PLD1: variants seen among roughly 807,000 people sequenced by gnomAD.
The protein encoded by PLD1 is phospholipase D1.
In PLD1, 112 loss-of-function variants were observed where a neutral mutation model predicts 137.1. The observed-to-expected ratio is 0.82, with a 90% CI of 0.70 to 0.96. The LOEUF is 0.96. Among genes scored for constraint, PLD1 ranks in the 40% least tolerant of loss-of-function variants. The pLI, the probability that PLD1 is intolerant of heterozygous loss-of-function variation, is 0.00. For synonymous variants in PLD1, 431 were observed against 454.7 expected (o/e 0.95, Z 0.66); for missense variants, 1,321 against 1,342.0 (o/e 0.98, Z 0.24).
chr3:171,726,876 A>G (rs993051622), intron 6 of PLD1, among the ~76,000 whole-genome samples: 5 of 152,180 alleles, frequency 3.3e-5, no homozygotes, highest in African/African-American at 4.8e-5. Flanking sequence ...ACTGAGGTTT[A>G]GTGTAAGGGT....
At chr3:171,639,003 T>C (rs1735404066) in intron 23 of PLD1, among the ~76,000 whole-genome samples, 1 of 151,952 alleles carries the variant, frequency 6.6e-6, no homozygotes, top group African/African-American at 2.4e-5. Flanking sequence ...ATTAACACCA[T>C]TGGCTCCTCT....
intron 12 of PLD1, among the ~76,000 whole-genome samples, chr3:171,693,148 C>T (rs1715361536): frequency 1.3e-5 from 2 of 152,194 alleles, no homozygotes; most frequent in African/African-American, 4.8e-5. Context: ...CTTGTAGATG[C>T]TAACATGCTA....
chr3:171,746,717 C>T (rs1325802494), intron 1 of PLD1, among the ~76,000 whole-genome samples: 1 of 152,190 alleles, frequency 6.6e-6, no homozygotes, highest in Non-Finnish European at 1.5e-5. Context: ...TGTAAATGCA[C>T]CAATCAGCAC....
intron 13 of PLD1, 57 bp downstream of exon 13, chr3:171,692,275 T>C (rs1205108945): frequency 4.7e-6 from 4 of 853,726 alleles, no homozygotes; most frequent in Non-Finnish European, 7.9e-6. Context: ...AAAACATACC[T>C]GAAAAAATCC....
intron 13 of PLD1, among the ~76,000 whole-genome samples, chr3:171,690,795 G>A (rs1715078926): frequency 6.6e-6 from 1 of 152,284 alleles, no homozygotes; most frequent in African/African-American, 2.4e-5. Context: ...AGAAGAATGT[G>A]TATCCTGCTG....
intron 8 of PLD1, among the ~76,000 whole-genome samples, chr3:171,720,599 C>T (rs979026911): frequency 7.3e-5 from 11 of 149,786 alleles, no homozygotes; most frequent in African/African-American, 2.8e-4. Flanking sequence ...AAAAAAAAGT[C>T]TTCCACTGTG....
rs77546819 is a variant in PLD1 at position 171,760,427 on chromosome 3, G to A, written c.-31-22345C>T. 2.5e-3 allele frequency among the ~76,000 whole-genome samples: 384 copies of A among 152,232 alleles called. 13 individuals are homozygous for A. The East Asian group carries it at 0.054, about 22-fold the overall frequency. On this transcript the variant is annotated intron_variant, in intron 1 of 26. Transcript: ENST00000351298. ...GCAAGACATCCCTCCTTCAACCACC[G>A]TGGTTCTATAAAAAGAATTGCTTTT... is the stretch of plus-strand genomic sequence containing the variant.
intron 1 of PLD1, among the ~76,000 whole-genome samples, chr3:171,786,697 G>C (rs1001724346): frequency 6.6e-6 from 1 of 152,090 alleles, no homozygotes; most frequent in Non-Finnish European, 1.5e-5. Context: ...TTCCATGTCA[G>C]TTGAGCTTCT....
At chr3:171,747,470 CT>C (rs200205947) in intron 1 of PLD1, among the ~76,000 whole-genome samples, 1,900 of 142,976 alleles carry the variant, frequency 0.013, 8 homozygotes, top group Middle Eastern at 0.036. Context: ...CTCTTCCTCT[CT>C]TTTTTTTTTT....
intron 20 of PLD1, among the ~76,000 whole-genome samples, chr3:171,660,763 G>A (rs942039788): frequency 6.6e-6 from 1 of 151,888 alleles, no homozygotes; most frequent in African/African-American, 2.4e-5. Context: ...CCGCCACCAT[G>A]CCCGGCTAAT....
At chr3:171,699,105 C>T (rs750193811) in intron 12 of PLD1, among the ~76,000 whole-genome samples, 2 of 151,968 alleles carry the variant, frequency 1.3e-5, no homozygotes, top group African/African-American at 4.8e-5. Context: ...TTTTAAGGGC[C>T]TATTACATTA....
At chr3:171,654,469 T>C (rs1194956150) in intron 21 of PLD1, among the ~76,000 whole-genome samples, 11 of 152,228 alleles carry the variant, frequency 7.2e-5, no homozygotes, top group Non-Finnish European at 1.6e-4. Context: ...GCTAACACTA[T>C]AAAATGCACT....
chr3:171,684,245 TCA>T (rs1714321928), intron 16 of PLD1, among the ~76,000 whole-genome samples: 1 of 152,200 alleles, frequency 6.6e-6, no homozygotes, highest in Non-Finnish European at 1.5e-5. Flanking sequence ...AGCAACACTA[TCA>T]GTCATAATTC....
intron 25 of PLD1, among the ~76,000 whole-genome samples, chr3:171,606,094 G>T (rs888935203): frequency 1.3e-5 from 2 of 152,226 alleles, no homozygotes; most frequent in African/African-American, 2.4e-5. Context: ...TCCAGGTGAG[G>T]TATGATGGTG....
At chr3:171,661,128 A>G (rs1364227352) in intron 20 of PLD1, among the ~76,000 whole-genome samples, 1 of 152,198 alleles carries the variant, frequency 6.6e-6, no homozygotes, top group Non-Finnish European at 1.5e-5. Flanking sequence ...CACTGCATTT[A>G]GCCAGCTAAT....
chr3:171,668,065 G>A lies in PLD1; in HGVS notation c.2230-5895C>T, dbSNP rs143612532. On this transcript the variant is annotated intron_variant, in intron 19 of 26. Transcript: ENST00000351298. The stretch of plus-strand genomic sequence containing the variant: ...CCGCACTAGACCCCCACTAGTTACC[G>A]TTATTTTAACCTCTCAAAGTCTCAG... 7.8e-3 allele frequency among the ~76,000 whole-genome samples: 1,183 copies of A among 152,252 alleles called. 6 individuals carry two copies. The highest frequency in any genetic ancestry group is 0.027 in the Middle Eastern group (8 of 294).
chr3:171,651,616 C>A (rs1327595187), intron 21 of PLD1, among the ~76,000 whole-genome samples: 2 of 152,150 alleles, frequency 1.3e-5, no homozygotes, highest in Non-Finnish European at 2.9e-5. Context: ...ATATTGTGCA[C>A]AAACACACAT....
intron 12 of PLD1, among the ~76,000 whole-genome samples, chr3:171,697,253 T>TTTG (rs1715815722): frequency 1.4e-5 from 2 of 142,952 alleles, no homozygotes; most frequent in Admixed American, 6.8e-5. Context: ...TTTTTTTTTT[T>TTTG]TTTTTTTTTG....
At chr3:171,618,467 C>T (rs1268620240) in intron 24 of PLD1, among the ~76,000 whole-genome samples, 1 of 152,116 alleles carries the variant, frequency 6.6e-6, no homozygotes, top group Non-Finnish European at 1.5e-5. Flanking sequence ...AAATATGTGG[C>T]TTTGTTTATT....
Sources: allele counts gnomAD v4.1 joint callset (sites outside exome capture counted in the v4.1 genomes callset), GRCh38; gene constraint gnomAD v4.1.1; transcripts MANE v1.5; gene names NCBI Gene and HGNC (gene_info 2026-07-23, HGNC 2026-07-21).